SLC68A1: variants seen among roughly 807,000 people sequenced by gnomAD.
The protein encoded by SLC68A1 is major facilitator superfamily domain containing 13A.
chr10:102,472,559 C>G, the SLC68A1 span, among the ~76,000 whole-genome samples: 2 of 152,040 alleles, frequency 1.3e-5, no homozygotes, highest in Admixed American at 1.3e-4. Flanking sequence ...AGTGTGAGCC[C>G]CTGTGCCGAG....
chr10:102,470,987 T>C, the SLC68A1 span: 1 of 1,613,298 alleles, frequency 6.2e-7, no homozygotes, highest in South Asian at 1.1e-5. Context: ...TTTCTCCTCC[T>C]TCCGCGCTTT....
At chr10:102,463,877 G>A in the SLC68A1 span, among the ~76,000 whole-genome samples, 1 of 152,114 alleles carries the variant, frequency 6.6e-6, no homozygotes, top group African/African-American at 2.4e-5. Flanking sequence ...TAGGTGACAG[G>A]AACAGCATGA....
the SLC68A1 span, chr10:102,470,972 G>A: frequency 6.2e-7 from 1 of 1,613,298 alleles, no homozygotes; most frequent in Non-Finnish European, 8.5e-7. Flanking sequence ...TTGGAACAAG[G>A]AGGATTTCTC....
chr10:102,463,372 C>T, the SLC68A1 span, among the ~76,000 whole-genome samples: 1 of 152,112 alleles, frequency 6.6e-6, no homozygotes, highest in Admixed American at 6.6e-5. Context: ...GAGGTTTCAT[C>T]GTGTTAGCCA....
At chr10:102,470,833 C>G in the SLC68A1 span, 3 of 1,613,660 alleles carry the variant, frequency 1.9e-6, no homozygotes, top group Admixed American at 1.7e-5. Flanking sequence ...TCCTGACGCT[C>G]GTGGACCTGC....
the SLC68A1 span, chr10:102,472,277 CT>C: frequency 1.8e-3 from 500 of 270,868 alleles, no homozygotes; most frequent in South Asian, 3.5e-3. Context: ...GTTTTCTTTT[CT>C]TTTTTTTTTC....
At chr10:102,473,925 CT>C in the SLC68A1 span, 1 of 1,613,922 alleles carries the variant, frequency 6.2e-7, no homozygotes, top group Middle Eastern at 1.6e-4. Context: ...AGCCTCGGCA[CT>C]CCTCTTTGGC....
chr10:102,467,082 G>C, the SLC68A1 span, among the ~76,000 whole-genome samples: 1 of 152,228 alleles, frequency 6.6e-6, no homozygotes, highest in Non-Finnish European at 1.5e-5. Flanking sequence ...CCGTCGCCCA[G>C]GCTGAAGTGT....
the SLC68A1 span, chr10:102,469,014 G>T: frequency 6.2e-7 from 1 of 1,607,144 alleles, no homozygotes; most frequent in South Asian, 1.1e-5. Context: ...CTGGGGCTAA[G>T]GCTGGGGCTG....
the SLC68A1 span, chr10:102,470,606 G>A: frequency 1.3e-6 from 2 of 1,566,200 alleles, no homozygotes; most frequent in Non-Finnish European, 1.7e-6. Flanking sequence ...TGGGCAAGGG[G>A]AACTTCAGCC....
the SLC68A1 span, chr10:102,476,929 C>T: frequency 1.0e-6 from 1 of 985,764 alleles, no homozygotes; most frequent in Non-Finnish European, 1.2e-6. Context: ...TTCTCTGCTT[C>T]AGCTGTGCTT....
At chr10:102,464,189 C>T in the SLC68A1 span, among the ~76,000 whole-genome samples, 1 of 152,176 alleles carries the variant, frequency 6.6e-6, no homozygotes, top group African/African-American at 2.4e-5. Flanking sequence ...CGGTGGCTCT[C>T]GCCTGTGAGC....
At chr10:102,471,359 G>A in the SLC68A1 span, 4 of 1,613,604 alleles carry the variant, frequency 2.5e-6, no homozygotes, top group Admixed American at 1.7e-5. Flanking sequence ...GCACGCCATC[G>A]GAACTTCCTG....
At chr10:102,471,316 A>T in the SLC68A1 span, 1 of 1,614,012 alleles carries the variant, frequency 6.2e-7, no homozygotes, top group Non-Finnish European at 8.5e-7. Flanking sequence ...GGAGGCGGAC[A>T]GCATCACCTT....
the SLC68A1 span, among the ~76,000 whole-genome samples, chr10:102,465,645 G>A: frequency 6.6e-6 from 1 of 152,130 alleles, no homozygotes. Flanking sequence ...AGGGAGGTGG[G>A]TGGAGTTGGT....
chr10:102,471,000 G>A, the SLC68A1 span: 1 of 1,613,330 alleles, frequency 6.2e-7, no homozygotes, highest in African/African-American at 1.3e-5. Context: ...CGCGCTTTCT[G>A]CGTGACACTG....
At chr10:102,465,158 C>T in the SLC68A1 span, among the ~76,000 whole-genome samples, 1 of 151,970 alleles carries the variant, frequency 6.6e-6, no homozygotes, top group South Asian at 2.1e-4. Context: ...ACTCAGGAGG[C>T]TGAGGCAGGA....
the SLC68A1 span, among the ~76,000 whole-genome samples, chr10:102,470,347 C>T: frequency 6.6e-6 from 1 of 152,158 alleles, no homozygotes; most frequent in Non-Finnish European, 1.5e-5. Context: ...CCCTCTGCTG[C>T]TTCTGGAAGA....
the SLC68A1 span, chr10:102,470,139 G>A: frequency 1.4e-6 from 2 of 1,471,552 alleles, no homozygotes; most frequent in South Asian, 1.2e-5. Context: ...CAGGAGGGAG[G>A]ACCCCTGCCT....
Sources: gnomAD v4.1 joint callset for allele counts (sites outside exome capture counted in the v4.1 genomes callset) on GRCh38, gnomAD v4.1.1 for gene constraint, MANE v1.5 for transcripts, NCBI Gene and HGNC (gene_info 2026-07-23, HGNC 2026-07-21) for gene names.